Variants in WDR7 observed in about 807,000 individuals in gnomAD.
WDR7 encodes WD repeat domain 7.
Under a neutral mutation model 169.4 loss-of-function variants are expected in WDR7, and 46 were observed. The ratio of observed to expected loss-of-function variants is 0.27; its 90% CI spans 0.21 to 0.35. The LOEUF (loss-of-function observed/expected upper bound fraction) is 0.35. Ranked by LOEUF, WDR7 falls within the 10% of genes least tolerant of loss-of-function variation. The pLI is 1.00. For synonymous variants in WDR7, 612 were observed against 666.8 expected (o/e 0.92, Z 1.27); for missense variants, 1,534 against 1,859.3 (o/e 0.83, Z 3.22).
At chr18:56,696,516 A>T in intron 12 of WDR7, 54 bp downstream of exon 12, 1 of 1,360,708 alleles carries the variant, frequency 7.3e-7, no homozygotes, top group Admixed American at 2.1e-5. Context: ...AAGTTATATT[A>T]CTATCAGGAA....
chr18:56,951,624 G>A (rs1180994637), intron 25 of WDR7, among the ~76,000 whole-genome samples: 3 of 151,946 alleles, frequency 2.0e-5, no homozygotes, highest in Non-Finnish European at 2.9e-5. Flanking sequence ...GAAATCTTAA[G>A]ATATATACAC....
At chr18:56,790,128 G>A (rs972719925) in intron 19 of WDR7, among the ~76,000 whole-genome samples, 7 of 152,266 alleles carry the variant, frequency 4.6e-5, no homozygotes, top group East Asian at 3.9e-4. Flanking sequence ...CATGAATACC[G>A]GAACGTGTCT....
chr18:56,723,195 T>C (rs1181036242), intron 13 of WDR7, among the ~76,000 whole-genome samples: 9 of 151,104 alleles, frequency 6.0e-5, no homozygotes. Context: ...GGAACATTGC[T>C]TTTTTCTTTC....
intron 20 of WDR7, among the ~76,000 whole-genome samples, chr18:56,878,876 A>T (rs1285483297): frequency 6.6e-6 from 1 of 152,174 alleles, no homozygotes; most frequent in African/African-American, 2.4e-5. Flanking sequence ...TTTTTGTGGC[A>T]TGTATCATTA....
intron 19 of WDR7, among the ~76,000 whole-genome samples, chr18:56,785,273 T>C (rs1312246228): frequency 6.6e-6 from 1 of 152,200 alleles, no homozygotes; most frequent in African/African-American, 2.4e-5. Flanking sequence ...CCATTGTCAT[T>C]AATGTTTGAG....
At position 57,012,611 on chromosome 18, in the gene WDR7, G is replaced by T. The variant is rs550204273; in HGVS notation, c.4165-8134G>T. On this transcript the variant is annotated intron_variant, in intron 26 of 27. Coordinates refer to ENST00000254442, the MANE Select transcript of WDR7 (RefSeq NM_015285.3). ...CCCTGCTGTAGCTGCCTGGGCTGGG[G>T]CTGCACCCAGCCTCCAAGCACCACC... 4.6e-5 allele frequency among the ~76,000 whole-genome samples: 7 copies of T among 152,328 alleles called. No individual in the cohort carries two copies. The East Asian group carries it at 1.4e-3, about 29-fold the overall frequency.
chr18:56,820,644 G>C (rs1375062712), intron 20 of WDR7, among the ~76,000 whole-genome samples: 1 of 152,088 alleles, frequency 6.6e-6, no homozygotes, highest in Admixed American at 6.5e-5. Context: ...CCTGCCCTCA[G>C]TTACGTTGTA....
chr18:56,933,638 T>C (rs2046920649), intron 22 of WDR7, among the ~76,000 whole-genome samples: 1 of 152,240 alleles, frequency 6.6e-6, no homozygotes, highest in Non-Finnish European at 1.5e-5. Context: ...GTCACATTAC[T>C]GATTCAGTAA....
chr18:56,932,871 C>G (rs1350193912), intron 22 of WDR7, among the ~76,000 whole-genome samples: 1 of 111,674 alleles, frequency 9.0e-6, no homozygotes, highest in Non-Finnish European at 1.8e-5. Context: ...TCTCTTCATT[C>G]TGGGTGTGTG....
At chr18:56,678,517 G>A (rs2025289747) in intron 2 of WDR7, among the ~76,000 whole-genome samples, 2 of 148,566 alleles carry the variant, frequency 1.3e-5, no homozygotes, top group Admixed American at 1.3e-4. Flanking sequence ...TTTTTTTTGA[G>A]ACGGAGTCTC....
At chr18:56,711,215 T>C (rs1286052081) in intron 12 of WDR7, among the ~76,000 whole-genome samples, 4 of 152,064 alleles carry the variant, frequency 2.6e-5, no homozygotes, top group Non-Finnish European at 5.9e-5. Flanking sequence ...TCAAATTTAT[T>C]TTTTTATTTG....
intron 1 of WDR7, among the ~76,000 whole-genome samples, chr18:56,670,020 G>C (rs868856547): frequency 1.3e-5 from 2 of 152,040 alleles, no homozygotes; most frequent in East Asian, 3.8e-4. Context: ...GTGTGTCTTG[G>C]CTCATCCGTT....
At chr18:56,731,250 C>G in intron 13 of WDR7, 133 bp from the exon 14 acceptor site, 1 of 958,456 alleles carries the variant, frequency 1.0e-6, no homozygotes, top group Non-Finnish European at 1.5e-6. Context: ...GAAGGAAGTA[C>G]AAAAAAAAAT....
At position 56,981,051 on chromosome 18, in the gene WDR7, G is replaced by T. The variant is rs75490896; in HGVS notation, c.4164+18522G>T. On this transcript the variant is annotated intron_variant, in intron 26 of 27. Transcript: ENST00000254442. ...GTAGAAATGGGGAGACTAGTTTCAG[G>T]CTATTCCAGAAGTACTCCAGGTTAG... 3.3e-5 allele frequency among the ~76,000 whole-genome samples: 5 copies of T among 152,240 alleles called. No individual in the cohort carries two copies. The South Asian group carries it at 1.0e-3, about 32-fold the overall frequency.
intron 26 of WDR7, among the ~76,000 whole-genome samples, chr18:56,974,362 C>CTTTTTTTT (rs34901751): frequency 1.7e-4 from 19 of 111,816 alleles, no homozygotes; most frequent in African/African-American, 5.5e-4. Context: ...GCTTTTCTTG[C>CTTTTTTTT]TTTTTTTTTT....
chr18:56,680,549 A>C (rs1401394072), intron 3 of WDR7, among the ~76,000 whole-genome samples: 1 of 152,250 alleles, frequency 6.6e-6, no homozygotes, highest in Non-Finnish European at 1.5e-5. Context: ...CATATGAGAT[A>C]TAGAAAATGG....
At chr18:56,664,674 A>T (rs928414566) in intron 1 of WDR7, among the ~76,000 whole-genome samples, 1 of 152,180 alleles carries the variant, frequency 6.6e-6, no homozygotes, top group African/African-American at 2.4e-5. Context: ...TTCAATAAAT[A>T]CATATTGACC....
At chr18:56,786,296 C>T (rs920816134) in intron 19 of WDR7, among the ~76,000 whole-genome samples, 7 of 151,986 alleles carry the variant, frequency 4.6e-5, no homozygotes, top group Admixed American at 6.6e-5. Context: ...TTTGGGAGGC[C>T]GAAGCGGGCG....
At chr18:57,018,046 G>T (rs894585273) in intron 26 of WDR7, among the ~76,000 whole-genome samples, 1 of 152,242 alleles carries the variant, frequency 6.6e-6, no homozygotes, top group African/African-American at 2.4e-5. Context: ...GGTTGTGAAT[G>T]TGTCCACTGG....
Sources: allele counts gnomAD v4.1 joint callset (sites outside exome capture counted in the v4.1 genomes callset), GRCh38; gene constraint gnomAD v4.1.1; transcripts MANE v1.5; gene names NCBI Gene and HGNC (gene_info 2026-07-23, HGNC 2026-07-21).